NRP2: variants seen among roughly 807,000 people sequenced by gnomAD.
NRP2 encodes the protein neuropilin-2.
NRP2 carries 52 observed loss-of-function variants against 110.4 expected under a neutral mutation model. The observed-to-expected ratio is 0.47, with a 90% CI of 0.38 to 0.59. The LOEUF is 0.59. Ranked by LOEUF, NRP2 falls within the 20% of genes least tolerant of loss-of-function variation. NRP2 has a pLI of 0.00. For missense variants in NRP2, 1,049 were observed against 1,203.0 expected, an observed-to-expected ratio of 0.87 and a Z score of 1.89; for synonymous variants, 508 against 468.9, an observed-to-expected ratio of 1.08 and a Z score of -1.08.
chr2:205,792,741 G>A (rs2058315683), intron 16 of NRP2, among the ~76,000 whole-genome samples: 1 of 152,120 alleles, frequency 6.6e-6, no homozygotes, highest in Non-Finnish European at 1.5e-5. Flanking sequence ...CCAATTTGGA[G>A]CTTCTTGCAA....
At chr2:205,703,086 G>A (rs552651713) in intron 2 of NRP2, among the ~76,000 whole-genome samples, 240 of 152,336 alleles carry the variant, frequency 1.6e-3, no homozygotes, top group Middle Eastern at 0.01. Flanking sequence ...GAGGGTGCTA[G>A]GCAGGTGTGT....
chr2:205,791,751 T>C (rs781037211), intron 15 of NRP2, among the ~76,000 whole-genome samples: 2 of 151,598 alleles, frequency 1.3e-5, no homozygotes, highest in Non-Finnish European at 2.9e-5. Flanking sequence ...TTAAAACATA[T>C]AATGATGAAA....
Position 205,788,397 on chromosome 2 carries a change from G to A in NRP2, c.2426-3838G>A, listed in dbSNP as rs1323180346. ...CACTGTGCTGATCTGCAACAGCTGG[G>A]GAAGGGATGGGTGTTGGAGATCGGG... On this transcript the variant is annotated intron_variant, in intron 15 of 16. Transcript: ENST00000357785. 2.0e-5 allele frequency among the ~76,000 whole-genome samples: 3 copies of A among 152,152 alleles called. No homozygotes were observed. In the East Asian group the frequency reaches 5.8e-4, roughly 29 times the overall value.
chr2:205,783,357 A>T (rs1004415571), intron 15 of NRP2, among the ~76,000 whole-genome samples: 3 of 152,172 alleles, frequency 2.0e-5, no homozygotes, highest in Admixed American at 2.0e-4. Context: ...AATGAGTTCC[A>T]CTTGCTTTCT....
At chr2:205,733,228 C>T (rs2057274721) in intron 7 of NRP2, among the ~76,000 whole-genome samples, 1 of 152,180 alleles carries the variant, frequency 6.6e-6, no homozygotes, top group South Asian at 2.1e-4. Context: ...TATCAGGCTC[C>T]CGCGGCCAGC....
At chr2:205,699,402 C>A (rs1256255065) in intron 2 of NRP2, among the ~76,000 whole-genome samples, 1 of 152,194 alleles carries the variant, frequency 6.6e-6, no homozygotes, top group Non-Finnish European at 1.5e-5. Flanking sequence ...GACTAAGCAC[C>A]TTTCTCTACT....
intron 8 of NRP2, among the ~76,000 whole-genome samples, chr2:205,742,700 T>C (rs528168123): frequency 1.3e-5 from 2 of 152,356 alleles, no homozygotes; most frequent in South Asian, 4.1e-4. Context: ...AATAATTCAA[T>C]GTTTAGCTCA....
chr2:205,700,524 G>T (rs1293977282), intron 2 of NRP2, among the ~76,000 whole-genome samples: 2 of 152,208 alleles, frequency 1.3e-5, no homozygotes, highest in East Asian at 1.9e-4. Flanking sequence ...TAACTGCAAA[G>T]ATTGCCCCAA....
chr2:205,709,242 G>A (rs1344385323), intron 2 of NRP2, among the ~76,000 whole-genome samples: 1 of 152,232 alleles, frequency 6.6e-6, no homozygotes, highest in Non-Finnish European at 1.5e-5. Context: ...GCCCCAAGAA[G>A]CAGGGTATTG....
At chr2:205,751,637 T>G (rs2057647588) in intron 11 of NRP2, among the ~76,000 whole-genome samples, 1 of 152,088 alleles carries the variant, frequency 6.6e-6, no homozygotes, top group African/African-American at 2.4e-5. Context: ...GTGGCAATCT[T>G]CCTCCTCCCT....
Position 205,739,682 on chromosome 2 carries a change from C to CTT in NRP2, c.1147-818_1147-817dup, listed in dbSNP as rs3047659. ...ACTCACATATACTTTGCTCTAGTTA[C>CTT]TTTTTTTTTTTTTTTTTTTTGAGCA... On this transcript the variant is annotated intron_variant, in intron 7 of 16. Coordinates refer to ENST00000357785, the MANE Select transcript of NRP2 (RefSeq NM_003872.3). 5.4e-3 allele frequency among the ~76,000 whole-genome samples: 678 copies of CTT among 124,902 alleles called. 9 individuals are homozygous for CTT. Among genetic ancestry groups the CTT allele is most frequent in the African/African-American group, 0.013 (436 of 33,848 alleles). The allele number at this position is 124,902 out of a possible 152,430, so 81.9% of individuals were successfully genotyped here. A position where few individuals can be genotyped will look rare whatever the true frequency, so the allele number is the denominator to read the frequency against.
chr2:205,774,349 GAC>G (rs1170652529), intron 15 of NRP2, among the ~76,000 whole-genome samples: 1 of 152,188 alleles, frequency 6.6e-6, no homozygotes, highest in Non-Finnish European at 1.5e-5. Flanking sequence ...ACTAGTAAAA[GAC>G]AGAATTAGTT....
chr2:205,771,949 A>G (rs956796460), intron 15 of NRP2, among the ~76,000 whole-genome samples: 2 of 152,258 alleles, frequency 1.3e-5, no homozygotes, highest in Admixed American at 6.5e-5. Flanking sequence ...GATTTGGCCA[A>G]TAGGCCACAG....
intron 1 of NRP2, among the ~76,000 whole-genome samples, chr2:205,691,283 G>C (rs1429097610): frequency 6.6e-6 from 1 of 152,170 alleles, no homozygotes; most frequent in Non-Finnish European, 1.5e-5. Flanking sequence ...ATGCACAGAG[G>C]AGAAAGACCA....
rs1025405025 is a variant in NRP2 at position 205,796,571 on chromosome 2, C to T, written c.*1513C>T. The stretch of plus-strand genomic sequence containing the variant: ...TTATGAATTAAGGCATTCCTCTTTC[C>T]CTAACCCCGATGGCTCCATTCCCAA... On this transcript the variant is annotated 3_prime_UTR_variant, in exon 17 of 17. Coordinates refer to ENST00000357785, the MANE Select transcript of NRP2 (RefSeq NM_003872.3). The T allele has an allele frequency of 6.6e-6, 1 of 152,532 alleles. No individual in the cohort carries two copies. Among genetic ancestry groups the T allele is most frequent in the Non-Finnish European group, 1.5e-5 (1 of 68,028 alleles). 9.4% of individuals were successfully genotyped at this position (152,532 alleles called of 1,614,324 possible).
At chr2:205,730,232 T>C (rs2057210039) in intron 7 of NRP2, among the ~76,000 whole-genome samples, 1 of 152,226 alleles carries the variant, frequency 6.6e-6, no homozygotes, top group Admixed American at 6.5e-5. Flanking sequence ...CTGTATTTAA[T>C]GTGCAGATTC....
chr2:205,765,553 C>A lies in NRP2; in HGVS notation c.2387C>A (p.Pro796Gln). The change falls in exon 14 of 17, where the codon CCA becomes CAA. Residue 796 changes from proline (P) to glutamine (Q), a missense_variant. Coordinates refer to ENST00000357785, the MANE Select transcript of NRP2 (RefSeq NM_003872.3). ...IDDIRISTDV[P>Q]LENCMEPISA... ...GACATTCGGATAAGCACTGATGTCC[C>A]ACTGGAGAACTGCATGGGTATGTGA... 2.5e-6 allele frequency: 4 copies of A among 1,613,422 alleles called. No individual in the cohort carries two copies. The highest frequency in any genetic ancestry group is 3.4e-6 in the Non-Finnish European group (4 of 1,179,392).
At chr2:205,720,118 G>A (rs1184655489) in intron 3 of NRP2, among the ~76,000 whole-genome samples, 1 of 152,152 alleles carries the variant, frequency 6.6e-6, no homozygotes, top group Non-Finnish European at 1.5e-5. Context: ...GGTACGATTA[G>A]AGATGAATGC....
intron 8 of NRP2, among the ~76,000 whole-genome samples, chr2:205,741,151 A>G (rs577586619): frequency 1.5e-4 from 23 of 152,314 alleles, no homozygotes; most frequent in Middle Eastern, 3.4e-3. Context: ...GGCACAACAG[A>G]CTGTTCTGTG....
Sources: allele counts gnomAD v4.1 joint callset (sites outside exome capture counted in the v4.1 genomes callset), GRCh38; gene constraint gnomAD v4.1.1; transcripts MANE v1.5; gene names NCBI Gene and HGNC (gene_info 2026-07-23, HGNC 2026-07-21).